FAT3: variants seen among roughly 807,000 people sequenced by gnomAD.
FAT3 encodes the protein FAT atypical cadherin 3.
In FAT3, 95 loss-of-function variants were observed where a neutral mutation model predicts 310.2. That is an observed-to-expected ratio of 0.31 (90% CI 0.26 to 0.36). FAT3 has a LOEUF of 0.36. Among genes scored for constraint, FAT3 ranks in the 10% least tolerant of loss-of-function variants. FAT3 has a pLI of 1.00. For missense variants in FAT3, 5,408 were observed against 5,715.6 expected, an observed-to-expected ratio of 0.95 and a Z score of 1.74; for synonymous variants, 2,314 against 2,192.9, an observed-to-expected ratio of 1.06 and a Z score of -1.54.
intron 7 of FAT3, among the ~76,000 whole-genome samples, chr11:92,782,279 T>A (rs2136136131): frequency 6.6e-6 from 1 of 152,236 alleles, no homozygotes; most frequent in Non-Finnish European, 1.5e-5. Context: ...TAAGCTATGA[T>A]CATGCCCTGA....
rs140385232 is a variant in FAT3 at position 92,333,972 on chromosome 11, T to C, written c.-17-18124T>C. On this transcript the variant is annotated intron_variant, in intron 1 of 27. Coordinates refer to ENST00000525166, the MANE Select transcript of FAT3 (RefSeq NM_001367949.2). ...AAATAGATTACAGTTAGTGAGAAAA[T>C]TGAGGGTGAAAATTGAATTGGTAAG... Among the ~76,000 whole-genome samples the C allele has an allele frequency of 2.5e-3, 381 of 152,176 alleles. 3 individuals are homozygous for C. The highest frequency in any genetic ancestry group is 8.5e-3 in the African/African-American group (354 of 41,498).
chr11:92,857,454 C>T, intron 20 of FAT3, 106 bp downstream of exon 20: 1 of 1,463,546 alleles, frequency 6.8e-7, no homozygotes, highest in Non-Finnish European at 9.3e-7. Context: ...TTTCTTTATG[C>T]ATGCAACCTT....
intron 1 of FAT3, among the ~76,000 whole-genome samples, chr11:92,248,700 A>C (rs569191605): frequency 6.6e-6 from 1 of 152,286 alleles, no homozygotes; most frequent in East Asian, 1.9e-4. Flanking sequence ...TGATGGGAAC[A>C]GTACTTGGAA....
chr11:92,658,234 G>A (rs577734366), intron 3 of FAT3, among the ~76,000 whole-genome samples: 56 of 152,268 alleles, frequency 3.7e-4, no homozygotes, highest in African/African-American at 1.3e-3. Flanking sequence ...GGAAAAATAA[G>A]CTCACTTAAA....
intron 2 of FAT3, among the ~76,000 whole-genome samples, chr11:92,479,666 T>C (rs1386784993): frequency 6.6e-6 from 1 of 152,144 alleles, no homozygotes; most frequent in East Asian, 1.9e-4. Flanking sequence ...ATTAGTATGC[T>C]TCAGTTCCCT....
intron 20 of FAT3, among the ~76,000 whole-genome samples, chr11:92,857,956 C>G (rs1254394861): frequency 6.6e-6 from 1 of 152,066 alleles, no homozygotes; most frequent in Non-Finnish European, 1.5e-5. Flanking sequence ...TTCTATACTT[C>G]ATTTGATTCA....
rs1049384758 is a variant in FAT3, at chr11:92,437,276, G to A, written c.3292+81872G>A. On this transcript the variant is annotated intron_variant, in intron 2 of 27. Transcript: ENST00000525166. ...TATCAGAGTTGAATATGTTTTGGTA[G>A]TAATTTAACCCACCTTCATTCATTT... Among the ~76,000 whole-genome samples, 5 of 152,154 alleles carry A rather than the reference G, an allele frequency of 3.3e-5. No homozygotes were observed. In the East Asian group the frequency reaches 5.8e-4, roughly 18 times the overall value.
chr11:92,876,566 T>G (rs748960910), intron 22 of FAT3, among the ~76,000 whole-genome samples: 20 of 152,218 alleles, frequency 1.3e-4, no homozygotes, highest in Non-Finnish European at 2.5e-4. Flanking sequence ...ATTCTTTTTC[T>G]AATATCTATG....
rs1863835633 is a variant in FAT3 at position 92,224,860 on chromosome 11, G to C, written c.-332G>C. Among the ~76,000 whole-genome samples the C allele has an allele frequency of 6.6e-6, 1 of 151,970 alleles. No individual in the cohort carries two copies. The highest frequency in any genetic ancestry group is 1.5e-5 in the Non-Finnish European group (1 of 67,982). ...CAGCTCGGAGCAGACAGGAGAGCCG[G>C]CGCTCCTCCCCGCAGGCTGCGCTGT... On this transcript the variant is annotated 5_prime_UTR_variant, in exon 1 of 28. Transcript: ENST00000525166.
rs186334970 is a variant in FAT3 at position 92,286,049 on chromosome 11, G to A, written c.-18+60875G>A. ...GGTAAAAACTGCTGCTTAAAACAGC[G>A]TGACTCCCTCTCTCTCCCTGGAGAC... On this transcript the variant is annotated intron_variant, in intron 1 of 27. Coordinates refer to ENST00000525166, the MANE Select transcript of FAT3 (RefSeq NM_001367949.2). Among the ~76,000 whole-genome samples the A allele has an allele frequency of 5.9e-5, 9 of 152,136 alleles. No homozygotes were observed. In the East Asian group the frequency reaches 9.7e-4, roughly 16 times the overall value.
intron 7 of FAT3, among the ~76,000 whole-genome samples, chr11:92,789,246 G>A (rs1159584722): frequency 6.6e-6 from 1 of 152,102 alleles, no homozygotes; most frequent in Non-Finnish European, 1.5e-5. Context: ...GGGATGAGTG[G>A]GAGTTTGATG....
chr11:92,828,974 G>A lies in FAT3; in HGVS notation c.9482-2648G>A, dbSNP rs149310581. On this transcript the variant is annotated intron_variant, in intron 13 of 27. Coordinates refer to ENST00000525166, the MANE Select transcript of FAT3 (RefSeq NM_001367949.2). ...CCTTCCCTTCTGGCCTTGCTGCTGC[G>A]GAGAGCGGCAGCGTGCAAATCCAGC... 1.9e-4 allele frequency among the ~76,000 whole-genome samples: 29 copies of A among 152,310 alleles called. 2 individuals are homozygous for A. The East Asian group carries it at 5.2e-3, about 27-fold the overall frequency.
intron 1 of FAT3, 83 bp from the exon 2 acceptor site, chr11:92,352,013 G>T: frequency 2.3e-6 from 2 of 887,620 alleles, no homozygotes; most frequent in Non-Finnish European, 1.4e-6. Context: ...TAAAAAGCAT[G>T]GCTTCCTAAT....
chr11:92,654,098 T>A (rs1325699022), intron 3 of FAT3, among the ~76,000 whole-genome samples: 4 of 152,230 alleles, frequency 2.6e-5, no homozygotes, highest in Non-Finnish European at 4.4e-5. Context: ...AAAAATCCAC[T>A]CAGTCAAAGG....
intron 1 of FAT3, among the ~76,000 whole-genome samples, chr11:92,259,244 G>A (rs948725656): frequency 2.0e-5 from 3 of 152,038 alleles, no homozygotes; most frequent in Admixed American, 2.0e-4. Flanking sequence ...AGTAAGAAAA[G>A]GAAAGAGCAG....
At chr11:92,624,368 A>G (rs111670305) in intron 3 of FAT3, among the ~76,000 whole-genome samples, 7 of 152,218 alleles carry the variant, frequency 4.6e-5, no homozygotes, top group African/African-American at 1.7e-4. Context: ...CAGTGGAGAA[A>G]TTAGCAGGAA....
intron 1 of FAT3, among the ~76,000 whole-genome samples, chr11:92,265,136 A>G (rs1945900282): frequency 6.6e-6 from 1 of 152,008 alleles, no homozygotes; most frequent in Non-Finnish European, 1.5e-5. Flanking sequence ...TATGTGAATT[A>G]AGAGGACCAC....
At chr11:92,706,364 T>C (rs1020090609) in intron 4 of FAT3, among the ~76,000 whole-genome samples, 1 of 152,048 alleles carries the variant, frequency 6.6e-6, no homozygotes, top group African/African-American at 2.4e-5. Context: ...CAAGATGCCA[T>C]GGGTCTGGGT....
intron 1 of FAT3, among the ~76,000 whole-genome samples, chr11:92,283,276 A>G (rs1167077277): frequency 6.6e-6 from 1 of 152,214 alleles, no homozygotes; most frequent in African/African-American, 2.4e-5. Flanking sequence ...TTTGCCCATG[A>G]GTGAAGAGGC....
Sources: gnomAD v4.1 joint callset for allele counts (sites outside exome capture counted in the v4.1 genomes callset) on GRCh38, gnomAD v4.1.1 for gene constraint, MANE v1.5 for transcripts, NCBI Gene and HGNC (gene_info 2026-07-23, HGNC 2026-07-21) for gene names.